Variants in PLCG2 observed in about 807,000 individuals in gnomAD.
PLCG2 encodes the protein 1-phosphatidylinositol 4,5-bisphosphate phosphodiesterase gamma-2.
A neutral mutation model predicts 175.6 loss-of-function variants in PLCG2; 69 were observed. The ratio of observed to expected loss-of-function variants is 0.39; its 90% CI spans 0.32 to 0.48. PLCG2 has a LOEUF of 0.48. PLCG2 is among the 20% of genes least tolerant of loss of function. The pLI, the probability that PLCG2 is intolerant of heterozygous loss-of-function variation, is 0.91. For synonymous variants in PLCG2, 827 were observed against 624.0 expected, an observed-to-expected ratio of 1.33 and a Z score of -4.85; for missense variants, 1,798 against 1,650.9, an observed-to-expected ratio of 1.09 and a Z score of -1.54.
intron 3 of PLCG2, among the ~76,000 whole-genome samples, chr16:81,856,168 C>G (rs534198070): frequency 6.6e-5 from 10 of 152,304 alleles, no homozygotes; most frequent in African/African-American, 2.2e-4. Flanking sequence ...CAAACTCAGC[C>G]CTTCAGAGCC....
chr16:81,854,345 A>C, intron 2 of PLCG2, 99 bp from the exon 3 acceptor site: 1 of 1,061,216 alleles, frequency 9.4e-7, no homozygotes. Context: ...CTGTTGGGGA[A>C]GGAAGGAGCC....
chr16:81,923,062 T>A (rs566353340), intron 21 of PLCG2, among the ~76,000 whole-genome samples: 39 of 152,288 alleles, frequency 2.6e-4, no homozygotes, highest in Admixed American at 3.3e-4. Flanking sequence ...TCTGGGAGGC[T>A]TGCTGAGCAC....
intron 1 of PLCG2, among the ~76,000 whole-genome samples, chr16:81,784,054 T>C (rs1335740921): frequency 1.3e-5 from 2 of 152,222 alleles, no homozygotes; most frequent in Admixed American, 1.3e-4. Flanking sequence ...CTTCTGCTGC[T>C]GCACTTGTAA....
intron 2 of PLCG2, among the ~76,000 whole-genome samples, chr16:81,818,376 C>G (rs1041060279): frequency 1.1e-3 from 160 of 152,218 alleles, no homozygotes; most frequent in African/African-American, 3.6e-3. Context: ...CTCTCTTTCT[C>G]AGACTGTCAG....
intron 7 of PLCG2, among the ~76,000 whole-genome samples, chr16:81,876,882 G>T (rs1907816855): frequency 6.6e-6 from 1 of 152,230 alleles, no homozygotes; most frequent in Admixed American, 6.5e-5. Context: ...TTCTGTGATT[G>T]CTGGAATCTC....
chr16:81,756,153 C>T (rs986852299), intron 2 of PLCG2, among the ~76,000 whole-genome samples: 8 of 152,188 alleles, frequency 5.3e-5, no homozygotes, highest in East Asian at 3.9e-4. Flanking sequence ...GTCATTATTC[C>T]GCAAGATCAA....
upstream of PLCG2, among the ~76,000 whole-genome samples, chr16:81,774,364 C>A (rs1227666305): frequency 1.3e-5 from 2 of 151,732 alleles, no homozygotes; most frequent in African/African-American, 4.8e-5. Flanking sequence ...ACCCACAAAA[C>A]CATTAAACCG....
chr16:81,778,747 G>C (rs532393171), upstream of PLCG2, among the ~76,000 whole-genome samples: 1 of 152,194 alleles, frequency 6.6e-6, no homozygotes, highest in South Asian at 2.1e-4. Flanking sequence ...CTCAACGAGG[G>C]CTTCAAATTA....
At chr16:81,789,708 C>G (rs76895409) in intron 2 of PLCG2, among the ~76,000 whole-genome samples, 189 of 152,092 alleles carry the variant, frequency 1.2e-3, no homozygotes, top group African/African-American at 4.3e-3. Context: ...TAATAAGTCC[C>G]CCGGATGGTC....
At chr16:81,740,138 C>CAAAAAAAAAAAAAAAAAAAAAAAAAAAA (rs5818349) in intron 1 of PLCG2, 1 of 88,722 alleles carries the variant, frequency 1.1e-5, no homozygotes, top group Non-Finnish European at 2.1e-5. Context: ...ACTCTGTCTC[C>CAAAAAAAAAAAAAAAAAAAAAAAAAAAA]AAAAAAAAAA....
chr16:81,928,609 A>G lies in PLCG2; in HGVS notation c.2566A>G (p.Asn856Asp). Reference sequence around the variant, plus strand: ...TCTTTGCAGAGGAATATTGGACCTCAATACCTATAACGTCGGTACGTGCAC... The same window carrying G: ...TCTTTGCAGAGGAATATTGGACCTCGATACCTATAACGTCGGTACGTGCAC... ...GSLCRGILDL[N>D]TYNVVKAPQG... The change falls in exon 24 of 33, where the codon AAT becomes GAT. Residue 856 changes from asparagine (N) to aspartate (D), a missense_variant. By Grantham distance (23) the Asn-to-Asp change is conservative. Coordinates refer to ENST00000564138, the MANE Select transcript of PLCG2 (RefSeq NM_002661.5). 1 of 1,606,222 alleles carries G rather than the reference A, an allele frequency of 6.2e-7. No homozygotes were observed. Among genetic ancestry groups the G allele is most frequent in the Non-Finnish European group, 8.5e-7 (1 of 1,172,766 alleles).
chr16:81,778,043 C>A (rs150605543), upstream of PLCG2, among the ~76,000 whole-genome samples: 12,267 of 59,368 alleles, frequency 0.21, 1,953 homozygotes, highest in Non-Finnish European at 0.22. Context: ...AAAAAAAAAA[C>A]AAAAAAAAAA....
intron 5 of PLCG2, among the ~76,000 whole-genome samples, chr16:81,861,882 C>G (rs1244406409): frequency 6.6e-6 from 1 of 152,206 alleles, no homozygotes; most frequent in Admixed American, 6.5e-5. Flanking sequence ...AGAGATCCAT[C>G]TTCCCATCGG....
At chr16:81,776,340 A>G (rs541966884), upstream of PLCG2, among the ~76,000 whole-genome samples, 84 of 151,302 alleles carry the variant, frequency 5.6e-4, no homozygotes, top group Non-Finnish European at 9.9e-4. Context: ...TGATCTTCCA[A>G]CCTCGTGATC....
chr16:81,826,113 C>A (rs1290497545), intron 2 of PLCG2, among the ~76,000 whole-genome samples: 1 of 152,176 alleles, frequency 6.6e-6, no homozygotes, highest in East Asian at 1.9e-4. Context: ...AAAACCTATT[C>A]CTCCAGTTTT....
chr16:81,908,276 C>G (rs1909465199), intron 16 of PLCG2, 140 bp from the exon 17 acceptor site: 1 of 712,620 alleles, frequency 1.4e-6, no homozygotes, highest in Admixed American at 2.8e-5. Context: ...TTTCCCATAC[C>G]CCTTCGGGTG....
intron 1 of PLCG2, among the ~76,000 whole-genome samples, chr16:81,754,652 G>A (rs1909885940): frequency 6.6e-6 from 1 of 151,076 alleles, no homozygotes. Flanking sequence ...GAATGACTGT[G>A]GGGCCCCATG....
intron 2 of PLCG2, among the ~76,000 whole-genome samples, chr16:81,827,603 G>T (rs191618629): frequency 6.6e-6 from 1 of 152,198 alleles, no homozygotes; most frequent in East Asian, 1.9e-4. Context: ...TTGTATCTAG[G>T]GGACAAATGA....
chr16:81,899,289 T>TATATATATATATACACACACACACAC (rs908648451), intron 13 of PLCG2, among the ~76,000 whole-genome samples: 6 of 92,420 alleles, frequency 6.5e-5, no homozygotes, highest in African/African-American at 2.3e-4. Flanking sequence ...TATATATATA[T>TATATATATATATACACACACACACAC]ACACACACAC....
Sources: gnomAD v4.1 joint callset for allele counts (sites outside exome capture counted in the v4.1 genomes callset) on GRCh38, gnomAD v4.1.1 for gene constraint, MANE v1.5 for transcripts, NCBI Gene and HGNC (gene_info 2026-07-23, HGNC 2026-07-21) for gene names.